Variants in DLG2 observed in about 807,000 individuals in gnomAD.
DLG2 encodes disks large homolog 2.
Under a neutral mutation model 132.5 loss-of-function variants are expected in DLG2, and 45 were observed. The observed-to-expected ratio is 0.34, with a 90% CI of 0.27 to 0.44. The LOEUF is 0.44. Ranked by LOEUF, DLG2 falls within the 20% of genes least tolerant of loss-of-function variation. The probability of loss-of-function intolerance (pLI) is 1.00; values close to 1 mark genes in which losing one functional copy is unlikely to be tolerated. For synonymous variants in DLG2, 424 were observed against 419.6 expected (o/e 1.01, Z -0.13); for missense variants, 1,045 against 1,196.9 (o/e 0.87, Z 1.87).
chr11:84,965,086 C>T (rs902590675), intron 6 of DLG2, among the ~76,000 whole-genome samples: 3 of 151,988 alleles, frequency 2.0e-5, no homozygotes, highest in African/African-American at 7.2e-5. Flanking sequence ...ATAAATAGAT[C>T]ATAAGATATC....
rs376179884 is a variant in DLG2, at chr11:85,451,450, C to T, written c.40+147207G>A. Among the ~76,000 whole-genome samples, 12 of 152,246 alleles carry T rather than the reference C, an allele frequency of 7.9e-5. No individual in the cohort carries two copies. In the East Asian group the frequency reaches 2.1e-3, roughly 27 times the overall value. ...GAAAATATTAAACTGGCTCATGCTG[C>T]TCTCTAAACCAAAAAAATTGTGACT... On this transcript the variant is annotated intron_variant, in intron 3 of 27. Transcript: ENST00000376104.
chr11:84,637,051 G>A (rs1174865338), intron 6 of DLG2, among the ~76,000 whole-genome samples: 1 of 152,032 alleles, frequency 6.6e-6, no homozygotes, highest in Non-Finnish European at 1.5e-5. Flanking sequence ...GCCTCCCAGA[G>A]TGCTGGGATT....
intron 15 of DLG2, among the ~76,000 whole-genome samples, chr11:83,882,858 G>T (rs150129476): frequency 3.5e-4 from 54 of 152,290 alleles, no homozygotes; most frequent in Non-Finnish European, 6.0e-4. Context: ...TAGCATGGGA[G>T]AATTTGGAGT....
rs79258947 is a variant in DLG2 at position 85,117,539 on chromosome 11, T to C, written c.283-5804A>G. Among the ~76,000 whole-genome samples the C allele has an allele frequency of 9.1e-3, 1,381 of 151,318 alleles. 21 individuals carry two copies. The highest frequency in any genetic ancestry group is 0.03 in the African/African-American group (1,249 of 41,190). ...TCCAGTTTAATAAGAACTTTCCTTG[T>C]CTCCTTTTCTTATTTCCCTCTTATG... On this transcript the variant is annotated intron_variant, in intron 5 of 27. Coordinates refer to ENST00000376104, the MANE Select transcript of DLG2 (RefSeq NM_001142699.3).
At chr11:83,588,155 C>A (rs931651157) in intron 19 of DLG2, among the ~76,000 whole-genome samples, 1 of 152,082 alleles carries the variant, frequency 6.6e-6, no homozygotes, top group African/African-American at 2.4e-5. Context: ...GCCTGCCTGC[C>A]TCTGTAGGCT....
chr11:83,720,739 T>A, intron 18 of DLG2: 1 of 61,764 alleles, frequency 1.6e-5, no homozygotes. Context: ...CAGCCCTCCC[T>A]TTTTTTTTTT....
At chr11:84,640,717 C>CCT (rs2099658764) in intron 6 of DLG2, among the ~76,000 whole-genome samples, 3 of 151,930 alleles carry the variant, frequency 2.0e-5, no homozygotes, top group African/African-American at 7.2e-5. Context: ...CAAGGCGTGA[C>CCT]GATCATGAGG....
chr11:84,404,311 C>T (rs776744422), intron 7 of DLG2, among the ~76,000 whole-genome samples: 1 of 152,098 alleles, frequency 6.6e-6, no homozygotes, highest in African/African-American at 2.4e-5. Flanking sequence ...CACCTCCTTC[C>T]CATCTCCACC....
chr11:85,404,593 T>C (rs766062946), intron 3 of DLG2, among the ~76,000 whole-genome samples: 18 of 151,842 alleles, frequency 1.2e-4, no homozygotes, highest in Non-Finnish European at 2.2e-4. Flanking sequence ...AAAACTTACA[T>C]GGTGGAAGGA....
intron 6 of DLG2, among the ~76,000 whole-genome samples, chr11:84,863,410 T>C (rs746203180): frequency 3.9e-5 from 6 of 152,182 alleles, no homozygotes; most frequent in Non-Finnish European, 7.4e-5. Context: ...GTGTCTCAGA[T>C]GCGCTTTTCC....
intron 15 of DLG2, among the ~76,000 whole-genome samples, chr11:83,893,784 T>G (rs1296077594): frequency 6.6e-6 from 1 of 152,234 alleles, no homozygotes; most frequent in Non-Finnish European, 1.5e-5. Context: ...ATATTACTAC[T>G]GCATGCTGTG....
At chr11:85,443,592 T>A (rs2091884223) in intron 3 of DLG2, among the ~76,000 whole-genome samples, 1 of 152,218 alleles carries the variant, frequency 6.6e-6, no homozygotes, top group Admixed American at 6.5e-5. Context: ...TCTCAACACC[T>A]CTGTTTCTTC....
rs2089913954 is a variant in DLG2 at position 83,965,183 on chromosome 11, T to A, written c.1201+141A>T. The A allele has an allele frequency of 8.1e-6, 7 of 860,932 alleles. No individual in the cohort carries two copies. In the East Asian group the frequency reaches 1.7e-4, roughly 21 times the overall value. The allele number at this position is 860,932 out of a possible 1,614,324, so 53.3% of individuals were successfully genotyped here. A position where few individuals can be genotyped will look rare whatever the true frequency, so the allele number is the denominator to read the frequency against. On this transcript the variant is annotated intron_variant, in intron 13 of 27. Coordinates refer to ENST00000376104, the MANE Select transcript of DLG2 (RefSeq NM_001142699.3). Reference sequence around the variant, plus strand: ...AAGGGCCTGCAAGGCAACATAGGAGTGGAGTTTAGGATACTCCCTCTGAAG... The same window carrying A: ...AAGGGCCTGCAAGGCAACATAGGAGAGGAGTTTAGGATACTCCCTCTGAAG...
At chr11:85,026,919 C>G (rs1221973932) in intron 6 of DLG2, among the ~76,000 whole-genome samples, 3 of 152,062 alleles carry the variant, frequency 2.0e-5, no homozygotes, top group African/African-American at 7.2e-5. Context: ...ATTTGTTTTA[C>G]TGAAATATTT....
intron 6 of DLG2, among the ~76,000 whole-genome samples, chr11:84,907,202 G>C (rs1467584303): frequency 6.6e-6 from 1 of 152,126 alleles, no homozygotes; most frequent in Non-Finnish European, 1.5e-5. Flanking sequence ...TATTTAGAGA[G>C]GGTCCCTTTG....
chr11:85,101,723 G>A (rs1286052258), intron 6 of DLG2, among the ~76,000 whole-genome samples: 2 of 151,984 alleles, frequency 1.3e-5, no homozygotes, highest in African/African-American at 2.4e-5. Context: ...TAATGCTGTA[G>A]CACACAGCTC....
intron 6 of DLG2, among the ~76,000 whole-genome samples, chr11:85,074,683 A>G (rs995301968): frequency 6.6e-6 from 1 of 151,884 alleles, no homozygotes; most frequent in Non-Finnish European, 1.5e-5. Flanking sequence ...AAAGGTAGCA[A>G]TGCTGCTCTG....
intron 6 of DLG2, among the ~76,000 whole-genome samples, chr11:84,820,167 CCTT>C (rs1376049885): frequency 2.6e-5 from 4 of 151,628 alleles, no homozygotes; most frequent in Non-Finnish European, 4.4e-5. Context: ...AGCAGGACTC[CCTT>C]CTTCTACCTC....
intron 6 of DLG2, among the ~76,000 whole-genome samples, chr11:84,664,281 A>AAAAACAAAAC (rs952560277): frequency 1.3e-5 from 2 of 152,220 alleles, no homozygotes; most frequent in African/African-American, 2.4e-5. Context: ...TTGGCTCTCA[A>AAAAACAAAAC]AAAACAAAAC....
Sources: allele counts gnomAD v4.1 joint callset (sites outside exome capture counted in the v4.1 genomes callset), GRCh38; gene constraint gnomAD v4.1.1; transcripts MANE v1.5; gene names NCBI Gene and HGNC (gene_info 2026-07-23, HGNC 2026-07-21).